TMPRSS15: variants seen among roughly 807,000 people sequenced by gnomAD.
TMPRSS15 encodes the protein transmembrane serine protease 15.
TMPRSS15 carries 128 observed loss-of-function variants against 125.3 expected under a neutral mutation model. The ratio of observed to expected loss-of-function variants is 1.02; its 90% CI spans 0.89 to 1.18. The LOEUF (loss-of-function observed/expected upper bound fraction) is 1.18. TMPRSS15 is among the 50% of genes most tolerant of loss of function. TMPRSS15 has a pLI of 0.00. For missense variants in TMPRSS15, 1,283 were observed against 1,212.7 expected, an observed-to-expected ratio of 1.06 and a Z score of -0.86; for synonymous variants, 446 against 423.2, an observed-to-expected ratio of 1.05 and a Z score of -0.66.
chr21:18,281,907 T>C (rs771832174), intron 21 of TMPRSS15, among the ~76,000 whole-genome samples: 67 of 151,534 alleles, frequency 4.4e-4, no homozygotes, highest in Non-Finnish European at 6.8e-4. Context: ...ACCATCTTGG[T>C]TAACACGGTG....
Position 18,416,841 on chromosome 21 carries a change from T to A in TMPRSS15, c.11-18512A>T, listed in dbSNP as rs779347536. Among the ~76,000 whole-genome samples the A allele has an allele frequency of 1.3e-4, 20 of 152,164 alleles. 1 individual carries two copies. Among genetic ancestry groups the A allele is most frequent in the Non-Finnish European group, 2.5e-4 (17 of 67,922 alleles). ...CACCTTAGATGTACTTATCTATTGA[T>A]GACACATTTTCTATGCTCTTTACTT... On this transcript the variant is annotated intron_variant, in intron 1 of 7. Transcript: ENST00000422787.
intron 5 of TMPRSS15, among the ~76,000 whole-genome samples, chr21:18,373,988 G>A (rs1477898209): frequency 2.0e-5 from 3 of 152,164 alleles, no homozygotes; most frequent in Non-Finnish European, 4.4e-5. Flanking sequence ...AATTGTTTAT[G>A]TACAAATTAT....
At chr21:18,352,764 A>T in intron 10 of TMPRSS15, 139 bp downstream of exon 10, 2 of 829,628 alleles carry the variant, frequency 2.4e-6, no homozygotes, top group Non-Finnish European at 2.0e-6. Context: ...TTTTTCATTT[A>T]ATTAATTGAA....
chr21:18,391,755 T>G (rs1287978888), intron 3 of TMPRSS15, among the ~76,000 whole-genome samples: 3 of 152,238 alleles, frequency 2.0e-5, no homozygotes, highest in Non-Finnish European at 4.4e-5. Context: ...CACATTTTCC[T>G]TCTGCACTGC....
chr21:18,480,075 C>T (rs1480238568), intron 1 of TMPRSS15, among the ~76,000 whole-genome samples: 1 of 152,002 alleles, frequency 6.6e-6, no homozygotes, highest in Non-Finnish European at 1.5e-5. Flanking sequence ...AGGATGAGTT[C>T]ATGTCCTTTG....
rs548818172 is a variant in TMPRSS15 at position 18,353,516 on chromosome 21, T to C, written c.1021+207A>G. Among the ~76,000 whole-genome samples, 7 of 152,026 alleles carry C rather than the reference T, an allele frequency of 4.6e-5. No individual in the cohort carries two copies. The Middle Eastern group carries it at 0.01, about 222-fold the overall frequency. ...ATTTTATAGTGATTTATAAGTTTTC[T>C]CAAATTGGTTATTTGATTCCTTTGA... On this transcript the variant is annotated intron_variant, in intron 9 of 24. Transcript: ENST00000284885.
At chr21:18,305,336 C>G (rs1257607804) in intron 18 of TMPRSS15, among the ~76,000 whole-genome samples, 1 of 151,768 alleles carries the variant, frequency 6.6e-6, no homozygotes, top group African/African-American at 2.4e-5. Context: ...CTACAGGCGC[C>G]CGCCACCGCG....
At chr21:18,424,928 ATAT>A (rs1569066128) in intron 1 of TMPRSS15, among the ~76,000 whole-genome samples, 1 of 148,794 alleles carries the variant, frequency 6.7e-6, no homozygotes, top group Admixed American at 6.7e-5. Context: ...TTATATATGA[ATAT>A]TATATATTCA....
intron 1 of TMPRSS15, among the ~76,000 whole-genome samples, chr21:18,482,542 A>AC (rs1568739592): frequency 6.6e-6 from 1 of 151,650 alleles, no homozygotes. Flanking sequence ...TACCACATGC[A>AC]CCCCATAAAT....
chr21:18,373,392 G>C (rs1303488166), intron 5 of TMPRSS15, among the ~76,000 whole-genome samples: 1 of 151,976 alleles, frequency 6.6e-6, no homozygotes, highest in Non-Finnish European at 1.5e-5. Flanking sequence ...ATAGGACAGA[G>C]TAAAGATCAA....
In TMPRSS15 at chr21:18,332,122, G is replaced by C; in HGVS notation, c.1616C>G (p.Ser539Cys). The C allele has an allele frequency of 6.2e-7, 1 of 1,614,106 alleles. No individual in the cohort carries two copies. Among genetic ancestry groups the C allele is most frequent in the Non-Finnish European group, 8.5e-7 (1 of 1,179,974 alleles). Residue 539 changes from serine to cysteine, a missense_variant, in exon 14 of 25, where the codon TCT (serine) becomes TGT (cysteine). Coordinates refer to ENST00000284885, the MANE Select transcript of TMPRSS15 (RefSeq NM_002772.3). ...AGGGTAGCTGTTTGGAAAGTTCGTAGAACTGAATGTTGTATTTGGCTCCCA... is the reference window on the plus strand; with the variant it reads ...AGGGTAGCTGTTTGGAAAGTTCGTACAACTGAATGTTGTATTTGGCTCCCA... ...ELWEPNTTFS[S>C]TNFPNSYPNL...
intron 1 of TMPRSS15, 41 bp downstream of exon 1, chr21:18,403,437 C>G: frequency 1.2e-6 from 2 of 1,613,744 alleles, no homozygotes; most frequent in African/African-American, 2.7e-5. Flanking sequence ...TGTGTACATT[C>G]AGCTGAGAGC....
intron 10 of TMPRSS15, among the ~76,000 whole-genome samples, chr21:18,344,707 A>G (rs559178668): frequency 6.6e-6 from 1 of 152,354 alleles, no homozygotes; most frequent in Middle Eastern, 3.4e-3. Context: ...TATTCCAACC[A>G]ATGATTTCAG....
chr21:18,306,301 C>T (rs554648311), intron 18 of TMPRSS15, among the ~76,000 whole-genome samples: 1 of 152,260 alleles, frequency 6.6e-6, no homozygotes, highest in African/African-American at 2.4e-5. Flanking sequence ...GTTCTATTTC[C>T]AGTGTTCCGG....
chr21:18,286,313 T>C (rs1165921056), intron 21 of TMPRSS15, among the ~76,000 whole-genome samples: 1 of 152,180 alleles, frequency 6.6e-6, no homozygotes, highest in Non-Finnish European at 1.5e-5. Flanking sequence ...ACCAAGTCAT[T>C]ATTTTAAATA....
At chr21:18,399,167 G>T (rs901522217) in intron 1 of TMPRSS15, among the ~76,000 whole-genome samples, 2 of 151,920 alleles carry the variant, frequency 1.3e-5, no homozygotes, top group Non-Finnish European at 2.9e-5. Context: ...AATCTGGTGC[G>T]AGAAGACGTA....
At chr21:18,358,618 A>G (rs922424061) in intron 8 of TMPRSS15, among the ~76,000 whole-genome samples, 2 of 151,940 alleles carry the variant, frequency 1.3e-5, no homozygotes, top group African/African-American at 4.8e-5. Flanking sequence ...TAAGGCACAA[A>G]GAATAATGGT....
intron 21 of TMPRSS15, among the ~76,000 whole-genome samples, chr21:18,287,323 G>GT (rs1271017761): frequency 6.6e-6 from 1 of 152,136 alleles, no homozygotes; most frequent in Non-Finnish European, 1.5e-5. Context: ...TAACAGCCAG[G>GT]TAACGGGCAG....
chr21:18,461,073 G>A (rs1297972099), intron 1 of TMPRSS15, among the ~76,000 whole-genome samples: 8 of 151,974 alleles, frequency 5.3e-5, no homozygotes. Flanking sequence ...AATTACATTT[G>A]TCTTATCTTA....
Sources: allele counts gnomAD v4.1 joint callset (sites outside exome capture counted in the v4.1 genomes callset), GRCh38; gene constraint gnomAD v4.1.1; transcripts MANE v1.5; gene names NCBI Gene and HGNC (gene_info 2026-07-23, HGNC 2026-07-21).